BRMS1L: variants seen among roughly 807,000 people sequenced by gnomAD.
BRMS1L encodes the protein BRMS1 like transcriptional repressor, also known as breast cancer metastasis-suppressor 1-like protein.
In BRMS1L, 23 loss-of-function variants were observed where a neutral mutation model predicts 50.3. That is an observed-to-expected ratio of 0.46 (90% confidence interval 0.33 to 0.65). The LOEUF (loss-of-function observed/expected upper bound fraction) is 0.65, where lower values mean the gene tolerates loss of function less well. Among genes scored for constraint, BRMS1L ranks in the 30% least tolerant of loss-of-function variants. BRMS1L has a pLI of 0.02. For synonymous variants in BRMS1L, 114 were observed against 126.9 expected (o/e 0.90, Z 0.69); for missense variants, 286 against 386.1 (o/e 0.74, Z 2.17).
rs374827412 is a variant in BRMS1L at position 35,837,251 on chromosome 14, G to A, written c.441+2328G>A. 1.2e-3 allele frequency among the ~76,000 whole-genome samples: 175 copies of A among 151,120 alleles called. 1 individual carries two copies. In the South Asian group the frequency reaches 0.032, roughly 28 times the overall value. Reference sequence around the variant, plus strand: ...GCCTGGGCAACAAGAGCAAAACTCCGGCTCAAAAAAAAAAAGAAAAAGTAT... The same window carrying A: ...GCCTGGGCAACAAGAGCAAAACTCCAGCTCAAAAAAAAAAAGAAAAAGTAT... On this transcript the variant is annotated intron_variant, in intron 4 of 9. Transcript: ENST00000216807.
At chr14:35,842,726 C>A (rs946303327) in intron 4 of BRMS1L, among the ~76,000 whole-genome samples, 4 of 152,146 alleles carry the variant, frequency 2.6e-5, no homozygotes, top group Admixed American at 1.3e-4. Flanking sequence ...TTTGGCCTAT[C>A]TTGCCAGGTT....
intron 2 of BRMS1L, among the ~76,000 whole-genome samples, chr14:35,831,844 C>G (rs1396232666): frequency 6.6e-6 from 1 of 151,912 alleles, no homozygotes; most frequent in Non-Finnish European, 1.5e-5. Flanking sequence ...CAATTGAGCC[C>G]AGGAGGTCAA....
intron 9 of BRMS1L, among the ~76,000 whole-genome samples, chr14:35,869,514 C>T (rs1369321203): frequency 1.4e-5 from 2 of 146,072 alleles, no homozygotes; most frequent in Non-Finnish European, 3.0e-5. Context: ...ACAGAGAAAC[C>T]CAGTCTCAAA....
At chr14:35,864,003 C>T (rs2078387802) in intron 6 of BRMS1L, 50 bp downstream of exon 6, 1 of 1,378,412 alleles carries the variant, frequency 7.3e-7, no homozygotes, top group African/African-American at 1.4e-5. Context: ...TGCGTTTTTC[C>T]ATTGTGCATG....
chr14:35,852,870 G>T (rs2078229411), intron 4 of BRMS1L, among the ~76,000 whole-genome samples: 1 of 152,096 alleles, frequency 6.6e-6, no homozygotes, highest in African/African-American at 2.4e-5. Context: ...GGCGAAGCTT[G>T]CAGTGAGCCG....
chr14:35,869,802 C>T (rs1202546770), intron 9 of BRMS1L, among the ~76,000 whole-genome samples: 1 of 151,786 alleles, frequency 6.6e-6, no homozygotes, highest in South Asian at 2.1e-4. Flanking sequence ...ACTGAGATTG[C>T]GCCACTGCAT....
chr14:35,856,989 C>T (rs1220057046), intron 4 of BRMS1L, among the ~76,000 whole-genome samples: 5 of 151,756 alleles, frequency 3.3e-5, no homozygotes, highest in African/African-American at 4.8e-5. Context: ...GCCTGTAATC[C>T]CAGCACTTTG....
intron 9 of BRMS1L, among the ~76,000 whole-genome samples, chr14:35,869,803 G>A (rs2078465655): frequency 6.6e-6 from 1 of 151,816 alleles, no homozygotes; most frequent in Non-Finnish European, 1.5e-5. Flanking sequence ...CTGAGATTGC[G>A]CCACTGCATT....
At chr14:35,831,630 T>C in intron 2 of BRMS1L, 130 bp downstream of exon 2, 1 of 663,218 alleles carries the variant, frequency 1.5e-6, no homozygotes, top group Non-Finnish European at 2.6e-6. Flanking sequence ...GAAAGAGGCT[T>C]CAACTATTGT....
chr14:35,833,278 C>T (rs989905524), intron 3 of BRMS1L, among the ~76,000 whole-genome samples, 173 bp downstream of exon 3: 1 of 151,212 alleles, frequency 6.6e-6, no homozygotes, highest in Non-Finnish European at 1.5e-5. Flanking sequence ...ATACCTCTTG[C>T]TTTGCTCTGC....
intron 4 of BRMS1L, among the ~76,000 whole-genome samples, chr14:35,846,118 G>A (rs1390600403): frequency 6.6e-6 from 1 of 152,176 alleles, no homozygotes; most frequent in Non-Finnish European, 1.5e-5. Context: ...TGGGTGCAGT[G>A]GCTCATGCCT....
At chr14:35,826,791 G>C in intron 1 of BRMS1L, 133 bp downstream of exon 1, 1 of 1,317,658 alleles carries the variant, frequency 7.6e-7, no homozygotes, top group East Asian at 2.5e-5. Context: ...ACTGGCTCTG[G>C]GCCCTGGGCT....
intron 2 of BRMS1L, among the ~76,000 whole-genome samples, chr14:35,832,399 C>G (rs1047034732): frequency 1.2e-4 from 18 of 149,276 alleles, no homozygotes; most frequent in African/African-American, 4.4e-4. Context: ...CCCAGCTACT[C>G]GGGAGGCTGA....
At chr14:35,848,770 C>T (rs911375508) in intron 4 of BRMS1L, among the ~76,000 whole-genome samples, 4 of 152,040 alleles carry the variant, frequency 2.6e-5, no homozygotes, top group African/African-American at 7.2e-5. Context: ...TTCATGTTGT[C>T]GCAAGTGACA....
intron 4 of BRMS1L, among the ~76,000 whole-genome samples, chr14:35,843,857 G>A (rs1401917493): frequency 6.6e-6 from 1 of 152,252 alleles, no homozygotes; most frequent in Non-Finnish European, 1.5e-5. Flanking sequence ...GACTGGGGCT[G>A]CTGCCTTTCT....
At chr14:35,833,586 A>G (rs867275821) in intron 3 of BRMS1L, among the ~76,000 whole-genome samples, 1 of 152,072 alleles carries the variant, frequency 6.6e-6, no homozygotes, top group Admixed American at 6.6e-5. Context: ...TTTTACTTTG[A>G]TAAGTTTGGT....
At chr14:35,829,353 A>T (rs1484341038) in intron 1 of BRMS1L, among the ~76,000 whole-genome samples, 1 of 152,224 alleles carries the variant, frequency 6.6e-6, no homozygotes, top group Non-Finnish European at 1.5e-5. Flanking sequence ...TTCTCCCCCT[A>T]TAATTTTTAT....
intron 4 of BRMS1L, among the ~76,000 whole-genome samples, chr14:35,851,691 G>A (rs2078213421): frequency 6.6e-6 from 1 of 152,210 alleles, no homozygotes; most frequent in South Asian, 2.1e-4. Flanking sequence ...AAACCCCTGT[G>A]TACTGTTGGT....
At chr14:35,868,745 T>A (rs1050807305) in intron 9 of BRMS1L, among the ~76,000 whole-genome samples, 1 of 152,132 alleles carries the variant, frequency 6.6e-6, no homozygotes, top group Non-Finnish European at 1.5e-5. Context: ...ACCATTGTAC[T>A]CCAGGCTGGG....
Sources: gnomAD v4.1 joint callset for allele counts (sites outside exome capture counted in the v4.1 genomes callset) on GRCh38, gnomAD v4.1.1 for gene constraint, MANE v1.5 for transcripts, NCBI Gene and HGNC (gene_info 2026-07-23, HGNC 2026-07-21) for gene names.